ADAMTS20: variants seen among roughly 807,000 people sequenced by gnomAD.
The protein encoded by ADAMTS20 is ADAM metallopeptidase with thrombospondin type 1 motif 20.
Under a neutral mutation model 260.1 loss-of-function variants are expected in ADAMTS20, and 225 were observed. The ratio of observed to expected loss-of-function variants is 0.87; its 90% confidence interval spans 0.78 to 0.97. The LOEUF (loss-of-function observed/expected upper bound fraction) is 0.97. Among genes scored for constraint, ADAMTS20 ranks in the 50% least tolerant of loss-of-function variants. The pLI, the probability that ADAMTS20 is intolerant of heterozygous loss-of-function variation, is 0.00. For synonymous variants in ADAMTS20, 802 were observed against 769.5 expected (o/e 1.04, Z -0.70); for missense variants, 2,400 against 2,337.7 (o/e 1.03, Z -0.55).
intron 9 of ADAMTS20, among the ~76,000 whole-genome samples, chr12:43,465,934 T>A (rs1318375474): frequency 1.3e-5 from 2 of 152,110 alleles, no homozygotes; most frequent in African/African-American, 2.4e-5. Context: ...TGATAATTGA[T>A]GATTTAGAAT....
intron 31 of ADAMTS20, among the ~76,000 whole-genome samples, chr12:43,382,025 T>C (rs576159361): frequency 6.6e-6 from 1 of 152,088 alleles, no homozygotes; most frequent in Non-Finnish European, 1.5e-5. Context: ...TAGGAACCTT[T>C]ATACATTGCT....
chr12:43,425,062 G>A (rs1015343659), intron 28 of ADAMTS20, among the ~76,000 whole-genome samples: 4 of 152,124 alleles, frequency 2.6e-5, no homozygotes, highest in Admixed American at 6.6e-5. Context: ...ACATAGCACA[G>A]AATACTATGC....
At position 43,425,777 on chromosome 12, in the gene ADAMTS20, T is replaced by C. The variant is rs373397753; in HGVS notation, c.4108-87A>G. The stretch of plus-strand genomic sequence containing the variant: ...TTCAATGTTTAAACATAATTAGTAA[T>C]TATGTTTATTCTAGTAATTTTAACA... On this transcript the variant is annotated intron_variant, in intron 27 of 38. Transcript: ENST00000389420. The C allele has an allele frequency of 4.5e-6, 4 of 894,122 alleles. No individual in the cohort carries two copies. The African/African-American group carries it at 6.9e-5, about 15-fold the overall frequency. The allele number at this position is 894,122 out of a possible 1,614,324, so 55.4% of individuals were successfully genotyped here.
rs149978861 is a variant in ADAMTS20 at position 43,439,676 on chromosome 12, T to C, written c.2539A>G (p.Met847Val). ...FNIPLEERSD[M>V]FTWDPYGPWE... is the part of the protein sequence containing the mutation. The stretch of plus-strand genomic sequence containing the variant: ...GGTCCATAGGGGTCCCATGTGAACA[T>C]GTCACTCCTCTCTTCCAAAGGGATA... Residue 847 changes from methionine to valine, a missense_variant, in exon 18 of 39, where the codon ATG becomes GTG. Transcript: ENST00000389420. The C allele has an allele frequency of 3.1e-6, 5 of 1,613,704 alleles. No individual in the cohort carries two copies. The highest frequency in any genetic ancestry group is 1.3e-5 in the African/African-American group (1 of 74,892).
At chr12:43,446,462 T>A in intron 15 of ADAMTS20, 133 bp downstream of exon 15, 1 of 603,174 alleles carries the variant, frequency 1.7e-6, no homozygotes, top group East Asian at 2.8e-5. Flanking sequence ...AGGAAATTTT[T>A]CCTTAACAAT....
rs1238674399 is a variant in ADAMTS20 at position 43,443,824 on chromosome 12, T to C, written c.2257A>G (p.Ser753Gly). The change falls in exon 16 of 39, where the codon AGC (serine) becomes GGC (glycine). Residue 753 changes from serine to glycine, a missense_variant. Transcript: ENST00000389420. ...GATNVDIRQY[S>G]YSGQPDDSYL... ...CTGTCATCTGGTTGTCCAGAATAGC[T>C]GTACTGACGAATGTCAACGTTTGTT... 2.5e-6 allele frequency: 4 copies of C among 1,613,030 alleles called. No homozygotes were observed.
chr12:43,444,496 G>T (rs1941725091), intron 15 of ADAMTS20, among the ~76,000 whole-genome samples: 1 of 152,002 alleles, frequency 6.6e-6, no homozygotes, highest in African/African-American at 2.4e-5. Context: ...TATGAGAAAA[G>T]TAAAAAGTTT....
In ADAMTS20 at chr12:43,432,698, T is replaced by C. The variant is rs753317044; in HGVS notation, c.2834A>G (p.Asp945Gly). Residue 945 changes from aspartate to glycine, a missense_variant, in exon 20 of 39, where the codon GAT (aspartate) becomes GGT (glycine). Transcript: ENST00000389420. ...SIHEGQTVQVDDHYCGDQLKP... is the reference protein window; with the variant it reads ...SIHEGQTVQVGDHYCGDQLKP... ...AAGCTGGTCACCACAGTAGTGGTCA[T>C]CAACTTGAACAGTCTGTCCTTCATG... The C allele has an allele frequency of 5.0e-6, 8 of 1,613,892 alleles. No homozygotes were observed. The South Asian group carries it at 6.6e-5, about 13-fold the overall frequency.
At chr12:43,412,964 C>T (rs1941060840) in intron 28 of ADAMTS20, among the ~76,000 whole-genome samples, 1 of 151,806 alleles carries the variant, frequency 6.6e-6, no homozygotes, top group African/African-American at 2.4e-5. Flanking sequence ...GCACGCACCA[C>T]TACCCCCAGC....
chr12:43,410,463 T>G (rs948503700), intron 28 of ADAMTS20, among the ~76,000 whole-genome samples: 1 of 152,206 alleles, frequency 6.6e-6, no homozygotes, highest in Non-Finnish European at 1.5e-5. Flanking sequence ...TGAAGAGTTG[T>G]GTAAGAAAGG....
chr12:43,542,516 T>G (rs1592117669), intron 2 of ADAMTS20, among the ~76,000 whole-genome samples: 1 of 1,674 alleles, frequency 6.0e-4, no homozygotes, highest in Non-Finnish European at 0.016. Context: ...CAATCTATTG[T>G]TTTTTTTTCA....
intron 18 of ADAMTS20, among the ~76,000 whole-genome samples, chr12:43,437,631 T>C (rs898377210): frequency 7.2e-5 from 11 of 152,214 alleles, no homozygotes; most frequent in Admixed American, 3.3e-4. Context: ...TGATCGAGCA[T>C]GAGAATATAG....
intron 36 of ADAMTS20, among the ~76,000 whole-genome samples, chr12:43,373,449 G>A (rs1403921675): frequency 6.6e-6 from 1 of 152,072 alleles, no homozygotes; most frequent in Non-Finnish European, 1.5e-5. Context: ...CACACTGGAA[G>A]AAGAATTGTC....
intron 8 of ADAMTS20, among the ~76,000 whole-genome samples, chr12:43,468,377 C>A (rs867760666): frequency 6.6e-6 from 1 of 152,182 alleles, no homozygotes; most frequent in African/African-American, 2.4e-5. Context: ...AATAAAAGAA[C>A]TCCCAAGTTC....
intron 14 of ADAMTS20, among the ~76,000 whole-genome samples, chr12:43,448,242 A>G (rs1004564754): frequency 1.3e-5 from 2 of 152,204 alleles, no homozygotes; most frequent in South Asian, 4.1e-4. Context: ...TTCAAACTAT[A>G]CTACAGGGCT....
intron 37 of ADAMTS20, among the ~76,000 whole-genome samples, chr12:43,364,557 T>C (rs1939941218): frequency 6.6e-6 from 1 of 152,172 alleles, no homozygotes; most frequent in South Asian, 2.1e-4. Context: ...AGGAAAACTC[T>C]GAAGATGAAA....
chr12:43,404,823 T>C (rs1292037175), intron 28 of ADAMTS20, among the ~76,000 whole-genome samples: 1 of 152,138 alleles, frequency 6.6e-6, no homozygotes, highest in East Asian at 1.9e-4. Flanking sequence ...AAGTTGATTA[T>C]TGAGAGGGAG....
chr12:43,434,401 T>C, intron 18 of ADAMTS20, 30 bp from the exon 19 acceptor site: 1 of 1,544,140 alleles, frequency 6.5e-7, no homozygotes, highest in South Asian at 1.2e-5. Context: ...AAATAAAAAA[T>C]GAAAGAAAAA....
chr12:43,444,167 T>C (rs1941718836), intron 15 of ADAMTS20, among the ~76,000 whole-genome samples: 1 of 152,128 alleles, frequency 6.6e-6, no homozygotes, highest in South Asian at 2.1e-4. Flanking sequence ...AAGCTAGTAT[T>C]TTAGCTCCTG....
Sources: gnomAD v4.1 joint callset for allele counts (sites outside exome capture counted in the v4.1 genomes callset) on GRCh38, gnomAD v4.1.1 for gene constraint, MANE v1.5 for transcripts, NCBI Gene and HGNC (gene_info 2026-07-23, HGNC 2026-07-21) for gene names.